Variants in ULK1 observed in about 807,000 individuals in gnomAD.
ULK1 encodes serine/threonine-protein kinase ULK1.
Under a neutral mutation model 117.5 loss-of-function variants are expected in ULK1, and 48 were observed. The observed-to-expected ratio is 0.41, with a 90% confidence interval of 0.32 to 0.52. The LOEUF (loss-of-function observed/expected upper bound fraction) is 0.52. ULK1 is among the 20% of genes least tolerant of loss of function. The probability of loss-of-function intolerance (pLI) is 0.29; values close to 1 mark genes in which losing one functional copy is unlikely to be tolerated. For synonymous variants in ULK1, 790 were observed against 637.8 expected, an observed-to-expected ratio of 1.24 and a Z score of -3.60; for missense variants, 1,387 against 1,473.4, an observed-to-expected ratio of 0.94 and a Z score of 0.96.
rs1013523388 is a variant in ULK1, at chr12:131,922,263, G to C, written c.*902G>C. On this transcript the variant is annotated 3_prime_UTR_variant, in exon 28 of 28. Coordinates refer to ENST00000321867, the MANE Select transcript of ULK1 (RefSeq NM_003565.4). ...CAGGTTAGAGGCAGATGGCACAGGG[G>C]CGTGTGGCGGGCGGGTGAGGCTGCT... 2 of 352,522 alleles carry C rather than the reference G, an allele frequency of 5.7e-6. No individual in the cohort carries two copies. Among genetic ancestry groups the C allele is most frequent in the East Asian group, 1.5e-4 (2 of 13,232 alleles). The allele number at this position is 352,522 out of a possible 1,614,324, so 21.8% of individuals were successfully genotyped here.
intron 5 of ULK1, among the ~76,000 whole-genome samples, chr12:131,908,121 C>T (rs1460088758): frequency 1.3e-5 from 2 of 152,128 alleles, no homozygotes; most frequent in African/African-American, 2.4e-5. Flanking sequence ...CAAACGCCGG[C>T]TCAGACCCGC....
At chr12:131,914,019 C>T (rs975371289) in intron 15 of ULK1, among the ~76,000 whole-genome samples, 183 bp downstream of exon 15, 4 of 152,204 alleles carry the variant, frequency 2.6e-5, no homozygotes, top group Admixed American at 1.3e-4. Flanking sequence ...GTGGGAGGAG[C>T]ATTGACAGGA....
At position 131,903,155 on chromosome 12, in the gene ULK1, G is replaced by C. The variant is rs1191169942; in HGVS notation, c.247-3737G>C. ...AGGCCCAGCTGGGGGCCCCCGTCGGGGGGTGTTGTGGCGCAGGGCCTGGGC... is the reference window on the plus strand; with the variant it reads ...AGGCCCAGCTGGGGGCCCCCGTCGGCGGGTGTTGTGGCGCAGGGCCTGGGC... On this transcript the variant is annotated intron_variant, in intron 3 of 27. Coordinates refer to ENST00000321867, the MANE Select transcript of ULK1 (RefSeq NM_003565.4). This position sits in a 1 kb window ranked among gnomAD's most constrained non-coding sequence, Gnocchi z 6.0. Among the ~76,000 whole-genome samples the C allele has an allele frequency of 1.3e-5, 2 of 152,272 alleles. No individual in the cohort carries two copies. Among genetic ancestry groups the C allele is most frequent in the East Asian group, 3.9e-4 (2 of 5,180 alleles).
intron 22 of ULK1, 132 bp from the exon 23 acceptor site, chr12:131,918,365 C>T: frequency 9.1e-7 from 1 of 1,104,402 alleles, no homozygotes; most frequent in Non-Finnish European, 1.3e-6. Context: ...CCTGTTGGAG[C>T]ATTGGGATAT....
chr12:131,901,364 A>G (rs1889081881), intron 3 of ULK1, among the ~76,000 whole-genome samples: 2 of 152,062 alleles, frequency 1.3e-5, no homozygotes, highest in African/African-American at 4.8e-5. Context: ...TCAAAAAAAA[A>G]AAAAAGAAAA....
chr12:131,895,013 C>T lies in ULK1; in HGVS notation c.12C>T (p.Gly4=). Residue 4 remains glycine, a synonymous_variant, in exon 1 of 28, where the codon GGC becomes GGT. Transcript: ENST00000321867. MEP[G]RGGTETVGKF... ...GGCCCGCCTGCGCCATGGAGCCCGG[C>T]CGCGGCGGCACAGAGACCGTGGGCA... The T allele has an allele frequency of 3.3e-6, 5 of 1,514,714 alleles. No individual in the cohort carries two copies. Among genetic ancestry groups the T allele is most frequent in the Non-Finnish European group, 3.5e-6 (4 of 1,140,974 alleles). 93.8% of individuals were successfully genotyped at this position (1,514,714 alleles called of 1,614,324 possible).
At chr12:131,895,718 CG>C in intron 2 of ULK1, 25 bp downstream of exon 2, 1 of 1,611,350 alleles carries the variant, frequency 6.2e-7, no homozygotes, top group South Asian at 1.1e-5. Context: ...GGGGAGGGGG[CG>C]TGGGCGTGGG....
chr12:131,899,484 G>A (rs905388813), intron 3 of ULK1, among the ~76,000 whole-genome samples: 2 of 149,484 alleles, frequency 1.3e-5, no homozygotes, highest in African/African-American at 4.9e-5. Flanking sequence ...CACCGCTTCT[G>A]GCCTATTTTA....
intron 3 of ULK1, among the ~76,000 whole-genome samples, chr12:131,896,236 G>GGCGGGGGAGGGGCC (rs1888863513): frequency 6.6e-6 from 1 of 152,200 alleles, no homozygotes; most frequent in Admixed American, 6.5e-5. Flanking sequence ...CGTCAGACGG[G>GGCGGGGGAGGGGCC]GCGGGGGAGG....
intron 20 of ULK1, 142 bp from the exon 21 acceptor site, chr12:131,916,811 G>A: frequency 1.0e-6 from 1 of 976,452 alleles, no homozygotes; most frequent in Non-Finnish European, 1.5e-6. Flanking sequence ...CCGCCTGTAA[G>A]CTGGGGTGAC....
chr12:131,900,371 A>AATTGTGAAATTGGC, intron 3 of ULK1, among the ~76,000 whole-genome samples: 1 of 152,318 alleles, frequency 6.6e-6, no homozygotes, highest in East Asian at 1.9e-4. Flanking sequence ...TTTTTTAGCC[A>AATTGTGAAATTGGC]TACAAAATTG....
intron 13 of ULK1, 139 bp from the exon 14 acceptor site, chr12:131,913,059 C>G (rs1889610245): frequency 1.4e-6 from 1 of 723,984 alleles, no homozygotes; most frequent in Non-Finnish European, 2.1e-6. Context: ...CCAGGCTCTG[C>G]CCCCCGCAAG....
At position 131,915,147 on chromosome 12, in the gene ULK1, C is replaced by T. The variant is rs753117776; in HGVS notation, c.1438C>T (p.Pro480Ser). 6.2e-6 allele frequency: 10 copies of T among 1,606,426 alleles called. No individual in the cohort carries two copies. In the African/African-American group the frequency reaches 1.2e-4, roughly 19 times the overall value. ...PLGFARASPS[P>S]PAHAEHGGVL... is the part of the protein sequence containing the mutation. ...GGGCTTTGCAAGGGCCAGCCCCTCGCCCCCTGCCCACGCTGAGCATGGAGG... is the reference window on the plus strand; with the variant it reads ...GGGCTTTGCAAGGGCCAGCCCCTCGTCCCCTGCCCACGCTGAGCATGGAGG... Residue 480 changes from proline to serine, a missense_variant, in exon 17 of 28, where the codon CCC becomes TCC. This residue lies in a region of ULK1 where 900 missense variants were observed against 858.9 expected (regional missense o/e 1.05). Coordinates refer to ENST00000321867, the MANE Select transcript of ULK1 (RefSeq NM_003565.4).
chr12:131,898,945 C>T (rs1310539479), intron 3 of ULK1, among the ~76,000 whole-genome samples: 1 of 151,172 alleles, frequency 6.6e-6, no homozygotes, highest in Non-Finnish European at 1.5e-5. Flanking sequence ...GTGGCGCGAT[C>T]TTGGCTCACT....
chr12:131,916,975 A>G lies in ULK1; in HGVS notation c.2095A>G (p.Thr699Ala), dbSNP rs778414917. The G allele has an allele frequency of 2.0e-5, 33 of 1,610,316 alleles. No individual in the cohort carries two copies. Among genetic ancestry groups the G allele is most frequent in the Non-Finnish European group, 2.6e-5 (31 of 1,179,080 alleles). ...CAGGTCTTTCAGCACCAGCCGCCTC[A>G]CTGACCTGCTCCTTAAGGCGGCGTT... is the stretch of plus-strand genomic sequence containing the variant. ...FGRSFSTSRL[T>A]DLLLKAAFGT... Residue 699 changes from threonine to alanine, a missense_variant, in exon 21 of 28, where the codon ACT becomes GCT. Around this residue, in one of 4 missense-constraint regions of ULK1, gnomAD observed 900 missense variants for 858.9 expected, o/e 1.05. Coordinates refer to ENST00000321867, the MANE Select transcript of ULK1 (RefSeq NM_003565.4).
At chr12:131,917,627 T>A in intron 22 of ULK1, 73 bp downstream of exon 22, 1 of 1,288,238 alleles carries the variant, frequency 7.8e-7, no homozygotes, top group Non-Finnish European at 9.9e-7. Flanking sequence ...GGGGCATCCT[T>A]TAACTCGGGT....
In ULK1 at chr12:131,918,878, G is replaced by A. The variant is rs111924605; in HGVS notation, c.2511+197G>A. 7.1e-3 allele frequency among the ~76,000 whole-genome samples: 18 copies of A among 2,534 alleles called. No individual in the cohort carries two copies. The highest frequency in any genetic ancestry group is 0.012 in the South Asian group (1 of 84). The allele number at this position is 2,534 out of a possible 152,430, so 1.7% of individuals were successfully genotyped here. On this transcript the variant is annotated intron_variant, in intron 23 of 27. Transcript: ENST00000321867. Reference sequence around the variant, plus strand: ...TGGGGTGTCGGGTGTGTGGGGTGTCGGGTGTGTGGGGTGTAGGGTGTGGGG... The same window carrying A: ...TGGGGTGTCGGGTGTGTGGGGTGTCAGGTGTGTGGGGTGTAGGGTGTGGGG...
intron 12 of ULK1, among the ~76,000 whole-genome samples, chr12:131,911,593 C>T (rs1889538519): frequency 6.6e-6 from 1 of 152,192 alleles, no homozygotes; most frequent in Non-Finnish European, 1.5e-5. Context: ...ACCTCGTTCT[C>T]TTGGCTATGC....
rs775289191 is a variant in ULK1 at position 131,922,893 on chromosome 12, T to C, written c.*1532T>C. 6.6e-6 allele frequency: 1 copy of C among 152,468 alleles called. No homozygotes were observed. Among genetic ancestry groups the C allele is most frequent in the Non-Finnish European group, 1.5e-5 (1 of 68,044 alleles). 9.4% of individuals were successfully genotyped at this position (152,468 alleles called of 1,614,324 possible). A position where few individuals can be genotyped will look rare whatever the true frequency, so the allele number is the denominator to read the frequency against. Reference sequence around the variant, plus strand: ...GGGCATGTTTGTATTTATTGCTTCATGGCCGACTGGAATCCTGAGTCCTGG... The same window carrying C: ...GGGCATGTTTGTATTTATTGCTTCACGGCCGACTGGAATCCTGAGTCCTGG... On this transcript the variant is annotated 3_prime_UTR_variant, in exon 28 of 28. Coordinates refer to ENST00000321867, the MANE Select transcript of ULK1 (RefSeq NM_003565.4).
Sources: allele counts gnomAD v4.1 joint callset (sites outside exome capture counted in the v4.1 genomes callset), GRCh38; gene constraint gnomAD v4.1.1; regional missense constraint gnomAD v4.1.1; non-coding constraint Gnocchi (gnomAD v3.1); transcripts MANE v1.5; gene names NCBI Gene and HGNC (gene_info 2026-07-23, HGNC 2026-07-21).